The following WNT5A variants were observed in gnomAD, a reference collection of about 807,000 sequenced individuals.
WNT5A encodes protein Wnt-5a.
WNT5A carries 9 observed loss-of-function variants against 42.1 expected under a neutral mutation model. The observed-to-expected ratio is 0.21, with a 90% CI of 0.13 to 0.37. WNT5A has a LOEUF of 0.37. Ranked by LOEUF, WNT5A falls within the 10% of genes least tolerant of loss-of-function variation. The pLI, the probability that WNT5A is intolerant of heterozygous loss-of-function variation, is 1.00. For synonymous variants in WNT5A, 210 were observed against 210.0 expected, an observed-to-expected ratio of 1.00 and a Z score of 0.00; for missense variants, 426 against 534.0, an observed-to-expected ratio of 0.80 and a Z score of 1.99.
At chr3:55,474,163 G>A (rs554639857) in intron 4 of WNT5A, among the ~76,000 whole-genome samples, 174 bp downstream of exon 4, 56 of 152,210 alleles carry the variant, frequency 3.7e-4, no homozygotes, top group African/African-American at 1.3e-3. Flanking sequence ...GAAAGAGACA[G>A]GAAAGACAGA....
chr3:55,471,978 A>C (rs1291799029), intron 4 of WNT5A, among the ~76,000 whole-genome samples: 1 of 152,210 alleles, frequency 6.6e-6, no homozygotes, highest in African/African-American at 2.4e-5. Flanking sequence ...AGTCTGAGGA[A>C]GGGTTTTGCA....
intron 2 of WNT5A, among the ~76,000 whole-genome samples, chr3:55,480,528 A>G (rs2051437602): frequency 1.3e-5 from 2 of 152,354 alleles, no homozygotes; most frequent in South Asian, 2.1e-4. Context: ...CTACAAGCAC[A>G]CGTCTGAACA....
chr3:55,480,960 A>G, intron 1 of WNT5A, 42 bp from the exon 2 acceptor site: 1 of 1,417,646 alleles, frequency 7.1e-7, no homozygotes. Context: ...TGCCTCTCAG[A>G]TAATTTTCAA....
At chr3:55,477,342 G>A (rs985891186) in intron 3 of WNT5A, among the ~76,000 whole-genome samples, 2 of 152,134 alleles carry the variant, frequency 1.3e-5, no homozygotes, top group African/African-American at 4.8e-5. Context: ...AAAAACAGAA[G>A]GCCCCATCAG....
At chr3:55,498,321 T>C in the WNT5A span, among the ~76,000 whole-genome samples, 4 of 152,332 alleles carry the variant, frequency 2.6e-5, 1 homozygote, top group South Asian at 6.2e-4. Context: ...TTATCTACTA[T>C]GTATGTGCCA....
chr3:55,498,642 T>C, the WNT5A span, among the ~76,000 whole-genome samples: 4 of 152,210 alleles, frequency 2.6e-5, no homozygotes, highest in South Asian at 2.1e-4. Flanking sequence ...TCACCTATAC[T>C]CTCCTTCCAG....
At chr3:55,487,699 G>C (rs1441155815), upstream of WNT5A, 2 of 152,400 alleles carry the variant, frequency 1.3e-5, no homozygotes, top group African/African-American at 4.8e-5. Context: ...CCCCGCTGCA[G>C]CTTTGGGGCC....
intron 4 of WNT5A, among the ~76,000 whole-genome samples, chr3:55,470,872 G>A (rs2051238251): frequency 6.6e-6 from 1 of 152,110 alleles, no homozygotes; most frequent in Admixed American, 6.5e-5. Context: ...TCATCCCAGA[G>A]GTTGTTCACA....
chr3:55,476,855 C>T (rs1023366998), intron 3 of WNT5A, among the ~76,000 whole-genome samples: 1 of 152,188 alleles, frequency 6.6e-6, no homozygotes, highest in African/African-American at 2.4e-5. Context: ...GCCTTCCTTA[C>T]ATATCTTTTC....
intron 3 of WNT5A, among the ~76,000 whole-genome samples, chr3:55,478,180 A>G (rs780667815): frequency 6.6e-5 from 10 of 152,218 alleles, no homozygotes; most frequent in Non-Finnish European, 1.3e-4. Context: ...CTGAGGCTAC[A>G]GGCCATTCTC....
At chr3:55,474,081 AAG>A (rs925225651) in intron 4 of WNT5A, among the ~76,000 whole-genome samples, 1 of 152,000 alleles carries the variant, frequency 6.6e-6, no homozygotes, top group African/African-American at 2.4e-5. Context: ...AAAGGGGGAG[AAG>A]AGAGAGACCG....
upstream of WNT5A, among the ~76,000 whole-genome samples, chr3:55,493,342 C>T (rs2051681935): frequency 6.6e-6 from 1 of 152,178 alleles, no homozygotes; most frequent in Non-Finnish European, 1.5e-5. Context: ...TTATTCTTCC[C>T]TCTGCCTGCA....
chr3:55,499,983 A>C, the WNT5A span, among the ~76,000 whole-genome samples: 92 of 12,054 alleles, frequency 7.6e-3, no homozygotes, highest in African/African-American at 0.08. Context: ...CCCCCTCCAA[A>C]AAAAAAAAAA....
rs372423949 is a variant in WNT5A, at chr3:55,470,188, G to A, written c.1047C>T (p.Thr349=). The change falls in exon 5 of 5, where the codon ACC becomes ACT. Residue 349 remains threonine, a synonymous_variant. Coordinates refer to ENST00000264634, the MANE Select transcript of WNT5A (RefSeq NM_003392.7). The part of the protein sequence containing the change: ...CCGRGYDQFK[T]VQTERCHCKF... ...TGCAGTGGCAGCGCTCCGTCTGCAC[G>A]GTCTTGAACTGGTCGTAGCCACGGC... 1.1e-5 allele frequency: 18 copies of A among 1,613,928 alleles called. No individual in the cohort carries two copies. The highest frequency in any genetic ancestry group is 2.2e-5 in the South Asian group (2 of 91,090).
chr3:55,487,109 C>G lies in WNT5A; in HGVS notation c.-124G>C, dbSNP rs552415256. The G allele has an allele frequency of 1.2e-6, 1 of 821,088 alleles. No homozygotes were observed. Among genetic ancestry groups the G allele is most frequent in the East Asian group, 2.6e-5 (1 of 37,956 alleles). 50.9% of individuals were successfully genotyped at this position (821,088 alleles called of 1,614,324 possible). On this transcript the variant is annotated 5_prime_UTR_variant, in exon 1 of 5. Transcript: ENST00000264634. Reference sequence around the variant, plus strand: ...GGAGCAGGGCTGCGGAGTCCTCCGGCGCGCGTCCGGCGGGCGCAGTGAACC... The same window carrying G: ...GGAGCAGGGCTGCGGAGTCCTCCGGGGCGCGTCCGGCGGGCGCAGTGAACC...
At chr3:55,485,579 T>C (rs1354419566) in intron 1 of WNT5A, among the ~76,000 whole-genome samples, 2 of 152,114 alleles carry the variant, frequency 1.3e-5, no homozygotes, top group Non-Finnish European at 2.9e-5. Context: ...CTGCGCACTC[T>C]CCGCATTGCC....
chr3:55,495,074 G>A (rs972180601), upstream of WNT5A, among the ~76,000 whole-genome samples: 3 of 152,118 alleles, frequency 2.0e-5, no homozygotes, highest in Non-Finnish European at 4.4e-5. Context: ...GACAAAAATT[G>A]TACATACATC....
chr3:55,496,200 G>C, the WNT5A span, among the ~76,000 whole-genome samples: 2 of 152,106 alleles, frequency 1.3e-5, no homozygotes, highest in Non-Finnish European at 2.9e-5. Context: ...AAATGACTCT[G>C]TTATGACTTC....
chr3:55,476,056 C>T (rs1161076881), intron 3 of WNT5A, among the ~76,000 whole-genome samples: 1 of 152,172 alleles, frequency 6.6e-6, no homozygotes, highest in Non-Finnish European at 1.5e-5. Flanking sequence ...CCTATACTTA[C>T]TTTGAGAGCT....
Sources: allele counts gnomAD v4.1 joint callset (sites outside exome capture counted in the v4.1 genomes callset), GRCh38; gene constraint gnomAD v4.1.1; transcripts MANE v1.5; gene names NCBI Gene and HGNC (gene_info 2026-07-23, HGNC 2026-07-21).